Variants in TGFBR3 observed in about 807,000 individuals in gnomAD.
TGFBR3 encodes the protein transforming growth factor beta receptor type 3.
Under a neutral mutation model 87.9 loss-of-function variants are expected in TGFBR3, and 46 were observed. The observed-to-expected ratio is 0.52, with a 90% confidence interval of 0.41 to 0.67. The LOEUF (loss-of-function observed/expected upper bound fraction) is 0.67. TGFBR3 is among the 30% of genes least tolerant of loss of function. TGFBR3 has a pLI of 0.00. For synonymous variants in TGFBR3, 381 were observed against 391.6 expected (o/e 0.97, Z 0.32); for missense variants, 866 against 1,041.9 (o/e 0.83, Z 2.32).
chr1:91,706,072 C>T lies in TGFBR3; in HGVS notation c.2287+2591G>A, dbSNP rs556898127. ...GTCTGGCATGGGAAAAAGCAAGCCG[C>T]TGCCTTCAATTACTAGCAGAATTAC... On this transcript the variant is annotated intron_variant, in intron 14 of 16. Coordinates refer to ENST00000212355, the MANE Select transcript of TGFBR3 (RefSeq NM_003243.5). Among the ~76,000 whole-genome samples the T allele has an allele frequency of 1.4e-3, 206 of 152,304 alleles. No homozygotes were observed. In the South Asian group the frequency reaches 0.023, roughly 17 times the overall value.
chr1:91,774,890 T>C (rs1674516096), intron 3 of TGFBR3, among the ~76,000 whole-genome samples: 1 of 152,170 alleles, frequency 6.6e-6, no homozygotes, highest in African/African-American at 2.4e-5. Flanking sequence ...TACTGTAAGA[T>C]CACTGGTAAA....
chr1:91,825,271 T>C (rs1369410413), intron 2 of TGFBR3, among the ~76,000 whole-genome samples: 1 of 152,250 alleles, frequency 6.6e-6, no homozygotes, highest in African/African-American at 2.4e-5. Context: ...TTTTTTAATG[T>C]GGTATATACA....
At chr1:91,883,499 C>T (rs1314604373) in intron 1 of TGFBR3, among the ~76,000 whole-genome samples, 1 of 152,116 alleles carries the variant, frequency 6.6e-6, no homozygotes, top group Non-Finnish European at 1.5e-5. Flanking sequence ...AGATATTTTG[C>T]CCTCCCCTTT....
At chr1:91,730,164 C>G (rs1245491282) in intron 5 of TGFBR3, among the ~76,000 whole-genome samples, 191 bp from the exon 6 acceptor site, 1 of 152,184 alleles carries the variant, frequency 6.6e-6, no homozygotes, top group Non-Finnish European at 1.5e-5. Context: ...CAGTGACCGC[C>G]TATTGACTAG....
chr1:91,713,533 T>C (rs1571432303), intron 12 of TGFBR3, among the ~76,000 whole-genome samples: 5 of 152,134 alleles, frequency 3.3e-5, no homozygotes. Flanking sequence ...TCCTTACCCA[T>C]AGACCAACAG....
At position 91,884,157 on chromosome 1, in the gene TGFBR3, T is replaced by C. The variant is rs1246961946; in HGVS notation, c.-114+1721A>G. Reference sequence around the variant, plus strand: ...CAACATGGTGAAACGCCGTCTCTACTAAAAATACAAAAGTTAGCTGGGCGT... The same window carrying C: ...CAACATGGTGAAACGCCGTCTCTACCAAAAATACAAAAGTTAGCTGGGCGT... On this transcript the variant is annotated intron_variant, in intron 1 of 16. Transcript: ENST00000212355. 4.6e-5 allele frequency among the ~76,000 whole-genome samples: 7 copies of C among 150,876 alleles called. 1 individual carries two copies.
At chr1:91,888,012 G>A (rs1364594625), upstream of TGFBR3, among the ~76,000 whole-genome samples, 1 of 152,160 alleles carries the variant, frequency 6.6e-6, no homozygotes, top group Admixed American at 6.5e-5. Context: ...CGAATTGTAA[G>A]TCCCACAATC....
intron 2 of TGFBR3, among the ~76,000 whole-genome samples, chr1:91,833,723 T>C (rs1402449453): frequency 6.6e-6 from 1 of 150,908 alleles, no homozygotes; most frequent in Non-Finnish European, 1.5e-5. Context: ...GAGGTTTCAG[T>C]GAGCCAAGAT....
intron 2 of TGFBR3, among the ~76,000 whole-genome samples, chr1:91,837,134 G>A (rs900795421): frequency 6.6e-6 from 1 of 152,004 alleles, no homozygotes; most frequent in Non-Finnish European, 1.5e-5. Flanking sequence ...TTTTAAGTCT[G>A]TATTTGTAAA....
At chr1:91,875,993 G>A (rs559861567) in intron 1 of TGFBR3, among the ~76,000 whole-genome samples, 5 of 120,938 alleles carry the variant, frequency 4.1e-5, no homozygotes, top group African/African-American at 1.6e-4. Flanking sequence ...AAAACCAGGA[G>A]AACTCGTTTC....
chr1:91,817,468 T>C lies in TGFBR3; in HGVS notation c.62-19997A>G, dbSNP rs17131572. On this transcript the variant is annotated intron_variant, in intron 2 of 16. Transcript: ENST00000212355. ...GAACACTATGACCTTGGCAAAATTC[T>C]CAAGTGTTCAGACAGAAACTTCTAG... Among the ~76,000 whole-genome samples the C allele has an allele frequency of 4.4e-3, 676 of 152,370 alleles. 17 individuals are homozygous for C. In the East Asian group the frequency reaches 0.058, roughly 13 times the overall value.
chr1:91,789,561 T>A (rs1476395041), intron 3 of TGFBR3, among the ~76,000 whole-genome samples: 1 of 152,190 alleles, frequency 6.6e-6, no homozygotes, highest in Admixed American at 6.5e-5. Flanking sequence ...GGTAGGAACG[T>A]TTTAACTTCT....
Position 91,698,122 on chromosome 1 carries a change from G to A in TGFBR3, c.2296C>T (p.Pro766Ser). 1.2e-6 allele frequency: 2 copies of A among 1,613,860 alleles called. No homozygotes were observed. Among genetic ancestry groups the A allele is most frequent in the Non-Finnish European group, 1.7e-6 (2 of 1,179,798 alleles). The change falls in exon 15 of 17, where the codon CCA (proline) becomes TCA (serine). Residue 766 changes from proline (P) to serine (S), a missense_variant. Coordinates refer to ENST00000212355, the MANE Select transcript of TGFBR3 (RefSeq NM_003243.5). The stretch of plus-strand genomic sequence containing the variant: ...ATTGGATTTGGTTCCTTCATGCTTG[G>A]ACCTTTTTCTGAAACAAAAACATAA... ...HHEAESKEKG[P>S]SMKEPNPISP...
chr1:91,713,348 T>G (rs1672051431), intron 12 of TGFBR3, among the ~76,000 whole-genome samples: 1 of 152,224 alleles, frequency 6.6e-6, no homozygotes, highest in South Asian at 2.1e-4. Flanking sequence ...TTTAGCCAAG[T>G]GTAAACAGAA....
At chr1:91,818,341 G>C (rs1676321587) in intron 2 of TGFBR3, among the ~76,000 whole-genome samples, 1 of 123,494 alleles carries the variant, frequency 8.1e-6, no homozygotes, top group Non-Finnish European at 1.6e-5. Flanking sequence ...TAGGACAGCA[G>C]AAAAACTGCT....
chr1:91,749,009 T>C (rs1673442198), intron 4 of TGFBR3, among the ~76,000 whole-genome samples: 1 of 152,090 alleles, frequency 6.6e-6, no homozygotes, highest in Non-Finnish European at 1.5e-5. Context: ...TATCCTCACA[T>C]TGGGCCATGA....
intron 3 of TGFBR3, among the ~76,000 whole-genome samples, chr1:91,760,238 T>C (rs1412846854): frequency 2.6e-5 from 4 of 152,120 alleles, no homozygotes; most frequent in East Asian, 1.9e-4. Context: ...CTGGCCAACA[T>C]GGAAAAACCC....
At chr1:91,801,916 T>C (rs1481449244) in intron 2 of TGFBR3, among the ~76,000 whole-genome samples, 1 of 152,086 alleles carries the variant, frequency 6.6e-6, no homozygotes, top group Non-Finnish European at 1.5e-5. Flanking sequence ...AAAACATAAC[T>C]GGATAAGTTT....
chr1:91,865,230 A>G (rs1678350148), intron 1 of TGFBR3, among the ~76,000 whole-genome samples: 1 of 151,466 alleles, frequency 6.6e-6, no homozygotes, highest in South Asian at 2.1e-4. Context: ...GAAAAAAAGA[A>G]AGAAAGAAAT....
Sources: gnomAD v4.1 joint callset for allele counts (sites outside exome capture counted in the v4.1 genomes callset) on GRCh38, gnomAD v4.1.1 for gene constraint, MANE v1.5 for transcripts, NCBI Gene and HGNC (gene_info 2026-07-23, HGNC 2026-07-21) for gene names.